NKAIN3: variants seen among roughly 807,000 people sequenced by gnomAD.
The protein encoded by NKAIN3 is sodium/potassium-transporting ATPase subunit beta-1-interacting protein 3.
In NKAIN3, 25 loss-of-function variants were observed where a neutral mutation model predicts 30.2. The observed-to-expected ratio is 0.83, with a 90% CI of 0.60 to 1.16. The LOEUF is 1.16. NKAIN3 is among the 50% of genes most tolerant of loss of function. NKAIN3 has a pLI of 0.00. For synonymous variants in NKAIN3, 91 were observed against 89.6 expected, an observed-to-expected ratio of 1.02 and a Z score of -0.09; for missense variants, 225 against 254.1, an observed-to-expected ratio of 0.89 and a Z score of 0.78.
intron 4 of NKAIN3, among the ~76,000 whole-genome samples, chr8:62,824,812 C>T (rs150180801): frequency 1.3e-5 from 2 of 152,170 alleles, no homozygotes; most frequent in Non-Finnish European, 2.9e-5. Context: ...TGAGCAACCT[C>T]TGTTGTGAAC....
At chr8:62,462,867 A>G (rs916450909) in intron 1 of NKAIN3, among the ~76,000 whole-genome samples, 1 of 152,204 alleles carries the variant, frequency 6.6e-6, no homozygotes, top group African/African-American at 2.4e-5. Context: ...AGGGATCTGC[A>G]CTTCACATAT....
At chr8:62,350,363 A>T (rs1816142211) in intron 1 of NKAIN3, among the ~76,000 whole-genome samples, 2 of 152,202 alleles carry the variant, frequency 1.3e-5, no homozygotes. Context: ...AATAAGCCAG[A>T]CACAAAAAGT....
chr8:62,865,315 T>C (rs1382493543), intron 4 of NKAIN3, among the ~76,000 whole-genome samples: 1 of 152,204 alleles, frequency 6.6e-6, no homozygotes, highest in African/African-American at 2.4e-5. Flanking sequence ...CTTACCAAAT[T>C]CTACCAATAC....
chr8:62,380,287 A>G (rs1817232803), intron 1 of NKAIN3, among the ~76,000 whole-genome samples: 1 of 152,224 alleles, frequency 6.6e-6, no homozygotes, highest in Non-Finnish European at 1.5e-5. Context: ...ATGTCTCATT[A>G]GGATAACTCA....
rs1563540731 is a variant in NKAIN3, at chr8:62,741,400, AAGGAAGGAAGGAAGGAAGGAAGGC to A, written c.274-5528_274-5505del. On this transcript the variant is annotated intron_variant, in intron 3 of 6. Coordinates refer to ENST00000623646, the MANE Select transcript of NKAIN3 (RefSeq NM_001304533.3). ...GAAGGAAGGAAGGAAGGAAGGAAGG[AAGGAAGGAAGGAAGGAAGGAAGGC>A]AGGCAAGCAAGCAAGCACACTCCAA... is the stretch of plus-strand genomic sequence containing the variant. Among the ~76,000 whole-genome samples the A allele has an allele frequency of 1.7e-3, 254 of 147,372 alleles. 1 individual carries two copies. The highest frequency in any genetic ancestry group is 4.1e-3 in the African/African-American group (155 of 37,502).
At chr8:62,513,296 G>A (rs1305021976) in intron 1 of NKAIN3, among the ~76,000 whole-genome samples, 1 of 151,252 alleles carries the variant, frequency 6.6e-6, no homozygotes, top group Non-Finnish European at 1.5e-5. Context: ...TAGATGGACT[G>A]AAGCTAAATG....
At chr8:62,308,498 TAGA>T (rs1450559147) in intron 1 of NKAIN3, among the ~76,000 whole-genome samples, 1 of 150,662 alleles carries the variant, frequency 6.6e-6, no homozygotes, top group East Asian at 1.9e-4. Flanking sequence ...AGCTGTATTT[TAGA>T]AGATTATGTT....
intron 1 of NKAIN3, among the ~76,000 whole-genome samples, chr8:62,405,534 G>A (rs1804035527): frequency 6.6e-6 from 1 of 152,178 alleles, no homozygotes; most frequent in Non-Finnish European, 1.5e-5. Flanking sequence ...TTTCCACTGT[G>A]ACAGAGAAGC....
chr8:62,702,657 C>A (rs1217297991), intron 3 of NKAIN3, among the ~76,000 whole-genome samples: 9 of 152,140 alleles, frequency 5.9e-5, no homozygotes, highest in African/African-American at 2.2e-4. Flanking sequence ...TACATTTTAA[C>A]CACTCTTGTA....
intron 1 of NKAIN3, among the ~76,000 whole-genome samples, chr8:62,331,873 A>C (rs1424758270): frequency 1.3e-5 from 2 of 152,062 alleles, no homozygotes; most frequent in Non-Finnish European, 2.9e-5. Flanking sequence ...TTCATGTTTA[A>C]CTCTGTCTTC....
At chr8:62,541,239 C>A (rs778427853) in intron 1 of NKAIN3, among the ~76,000 whole-genome samples, 2 of 152,040 alleles carry the variant, frequency 1.3e-5, no homozygotes, top group South Asian at 2.1e-4. Context: ...ACTGCTAGAA[C>A]CTGGGAGGGG....
intron 3 of NKAIN3, among the ~76,000 whole-genome samples, chr8:62,697,623 T>TGATGG (rs1361208337): frequency 1.3e-5 from 2 of 152,208 alleles, no homozygotes; most frequent in Non-Finnish European, 2.9e-5. Flanking sequence ...TCTCCCAACT[T>TGATGG]CTAGAACATA....
intron 5 of NKAIN3, among the ~76,000 whole-genome samples, chr8:62,931,399 A>G (rs1177766247): frequency 6.6e-6 from 1 of 152,208 alleles, no homozygotes; most frequent in Non-Finnish European, 1.5e-5. Flanking sequence ...AACTAAAAAG[A>G]TTTTATATAC....
intron 4 of NKAIN3, among the ~76,000 whole-genome samples, chr8:62,748,362 C>A (rs929797977): frequency 2.0e-5 from 3 of 152,088 alleles, no homozygotes; most frequent in Non-Finnish European, 4.4e-5. Context: ...AAAAAATTGA[C>A]CGATTCTCAG....
At chr8:62,758,733 G>A (rs532792016) in intron 4 of NKAIN3, among the ~76,000 whole-genome samples, 7 of 152,028 alleles carry the variant, frequency 4.6e-5, no homozygotes, top group African/African-American at 1.4e-4. Context: ...CATATTTTAG[G>A]TACATATACA....
chr8:62,692,931 A>G (rs916378911), intron 3 of NKAIN3, among the ~76,000 whole-genome samples: 1 of 152,142 alleles, frequency 6.6e-6, no homozygotes, highest in African/African-American at 2.4e-5. Flanking sequence ...TTCAAAGACA[A>G]TCTCCTTATT....
At chr8:62,685,769 G>A (rs1366170972) in intron 3 of NKAIN3, among the ~76,000 whole-genome samples, 1 of 152,128 alleles carries the variant, frequency 6.6e-6, no homozygotes, top group East Asian at 1.9e-4. Context: ...AGTATGGTGT[G>A]GAAAAATGAC....
At chr8:62,444,028 G>T (rs1323552660) in intron 1 of NKAIN3, among the ~76,000 whole-genome samples, 7 of 151,980 alleles carry the variant, frequency 4.6e-5, no homozygotes, top group African/African-American at 1.7e-4. Context: ...AACAGTTAAT[G>T]GTTCCAATAC....
At chr8:62,987,129 A>G (rs1490712706), downstream of NKAIN3, among the ~76,000 whole-genome samples, 2 of 152,170 alleles carry the variant, frequency 1.3e-5, no homozygotes, top group East Asian at 1.9e-4. Context: ...GCTCATGCCT[A>G]TAATCCCAGC....
Sources: gnomAD v4.1 joint callset for allele counts (sites outside exome capture counted in the v4.1 genomes callset) on GRCh38, gnomAD v4.1.1 for gene constraint, MANE v1.5 for transcripts, NCBI Gene and HGNC (gene_info 2026-07-23, HGNC 2026-07-21) for gene names.